The following SLC4A4 variants were observed in gnomAD, a reference collection of about 807,000 sequenced individuals.
The protein encoded by SLC4A4 is solute carrier family 4 member 4, also known as electrogenic sodium bicarbonate cotransporter 1.
SLC4A4 carries 27 observed loss-of-function variants against 111.5 expected under a neutral mutation model. The observed-to-expected ratio is 0.24, with a 90% CI of 0.18 to 0.33. The LOEUF is 0.33. SLC4A4 is among the 10% of genes least tolerant of loss of function. The pLI, the probability that SLC4A4 is intolerant of heterozygous loss-of-function variation, is 1.00. For missense variants in SLC4A4, 909 were observed against 1,315.5 expected, an observed-to-expected ratio of 0.69 and a Z score of 4.78; for synonymous variants, 443 against 463.4, an observed-to-expected ratio of 0.96 and a Z score of 0.57.
intron 2 of SLC4A4, among the ~76,000 whole-genome samples, chr4:71,111,629 C>T (rs530860504): frequency 1.9e-3 from 280 of 147,274 alleles, no homozygotes; most frequent in African/African-American, 6.4e-3. Flanking sequence ...TGATCCACCC[C>T]ACCCGCCTTG....
At chr4:71,359,308 C>T (rs1436664243) in intron 6 of SLC4A4, among the ~76,000 whole-genome samples, 4 of 152,192 alleles carry the variant, frequency 2.6e-5, no homozygotes, top group African/African-American at 9.6e-5. Flanking sequence ...GAAGGGTATG[C>T]AGTTCTTTTC....
chr4:71,336,753 T>G (rs187443554), intron 3 of SLC4A4, among the ~76,000 whole-genome samples: 1 of 152,212 alleles, frequency 6.6e-6, no homozygotes, highest in Non-Finnish European at 1.5e-5. Context: ...TACAATCACT[T>G]TCCTTGTTTA....
intron 1 of SLC4A4, among the ~76,000 whole-genome samples, chr4:71,079,498 T>C (rs769670034): frequency 6.6e-6 from 1 of 152,142 alleles, no homozygotes; most frequent in Non-Finnish European, 1.5e-5. Context: ...GCTGTGGGCC[T>C]GGTGCAGTAG....
At chr4:71,268,527 G>A (rs1009211013) in intron 3 of SLC4A4, among the ~76,000 whole-genome samples, 8 of 152,230 alleles carry the variant, frequency 5.3e-5, no homozygotes, top group Admixed American at 2.0e-4. Context: ...TAGGACAAGA[G>A]GAGACATTTC....
At chr4:71,390,806 T>A (rs1160693754) in intron 6 of SLC4A4, among the ~76,000 whole-genome samples, 2 of 152,162 alleles carry the variant, frequency 1.3e-5, no homozygotes, top group East Asian at 3.8e-4. Context: ...GCAGTGAGAT[T>A]GGCATTATGA....
Position 71,447,656 on chromosome 4 carries a change from A to G in SLC4A4, c.976A>G (p.Ile326Val), listed in dbSNP as rs762448439. ...EVPVPTRFLFILLGPKGKAKS... is the reference protein window; with the variant it reads ...EVPVPTRFLFVLLGPKGKAKS... ...TTCCTTTTCCATTAGGTTCTTGTTC[A>G]TTCTCTTAGGTCCTAAGGGGAAAGC... The change falls in exon 9 of 26, where the codon ATT (isoleucine) becomes GTT (valine). Residue 326 changes from isoleucine to valine, a missense_variant. Around this residue, in one of 7 missense-constraint regions of SLC4A4, gnomAD observed 312 missense variants for 402.0 expected, o/e 0.78. Transcript: ENST00000264485. 1 of 1,609,166 alleles carries G rather than the reference A, an allele frequency of 6.2e-7. No homozygotes were observed. Among genetic ancestry groups the G allele is most frequent in the Non-Finnish European group, 8.5e-7 (1 of 1,175,852 alleles).
chr4:71,282,426 C>A (rs1578747597), intron 3 of SLC4A4, among the ~76,000 whole-genome samples: 1 of 151,844 alleles, frequency 6.6e-6, no homozygotes, highest in Non-Finnish European at 1.5e-5. Flanking sequence ...GCTGGGATTA[C>A]AGGCATGCTC....
chr4:71,187,863 G>A (rs1282061283), intron 1 of SLC4A4, among the ~76,000 whole-genome samples: 1 of 152,182 alleles, frequency 6.6e-6, no homozygotes, highest in Non-Finnish European at 1.5e-5. Flanking sequence ...TGCTACCGAG[G>A]CCGCGGCCCC....
intron 16 of SLC4A4, among the ~76,000 whole-genome samples, chr4:71,504,814 C>T (rs1731255043): frequency 6.6e-6 from 1 of 151,846 alleles, no homozygotes; most frequent in Non-Finnish European, 1.5e-5. Flanking sequence ...CTGCACAGAT[C>T]ATTCCATCAC....
intron 1 of SLC4A4, among the ~76,000 whole-genome samples, chr4:71,085,099 A>C (rs2148936694): frequency 6.6e-6 from 1 of 152,166 alleles, no homozygotes; most frequent in South Asian, 2.1e-4. Context: ...TTGCCATTCT[A>C]ACTGGTGTGA....
intron 4 of SLC4A4, among the ~76,000 whole-genome samples, chr4:71,349,089 A>G (rs1729585730): frequency 6.6e-6 from 1 of 152,166 alleles, no homozygotes; most frequent in Non-Finnish European, 1.5e-5. Context: ...AAGTCTGTCA[A>G]ATGTGTTTTG....
intron 3 of SLC4A4, among the ~76,000 whole-genome samples, chr4:71,281,825 C>T (rs1445462672): frequency 1.3e-5 from 2 of 152,024 alleles, no homozygotes; most frequent in Non-Finnish European, 2.9e-5. Flanking sequence ...TATAGTGATA[C>T]GTTAGTATTG....
At chr4:71,300,531 A>G (rs986117680) in intron 3 of SLC4A4, 1 of 247,918 alleles carries the variant, frequency 4.0e-6, no homozygotes, top group Admixed American at 4.2e-5. Context: ...CACTAGCGGC[A>G]TGCAGATCTA....
At chr4:71,117,471 G>GA (rs1743299649) in intron 2 of SLC4A4, among the ~76,000 whole-genome samples, 1 of 151,902 alleles carries the variant, frequency 6.6e-6, no homozygotes, top group Admixed American at 6.6e-5. Context: ...AATTCTGAAA[G>GA]AAAAAAAGAA....
intron 1 of SLC4A4, among the ~76,000 whole-genome samples, chr4:71,066,711 C>G (rs920319344): frequency 6.6e-6 from 1 of 152,058 alleles, no homozygotes; most frequent in African/African-American, 2.4e-5. Context: ...ATTTCTTGGC[C>G]TCATATTACT....
At position 71,080,509 on chromosome 4, in the gene SLC4A4, T is replaced by C. The variant is rs190860286; in HGVS notation, c.-64-12221T>C. On this transcript the variant is annotated intron_variant, in intron 1 of 26. Transcript: ENST00000649996. ...CATGTAAAAGGATGAGTGTTTTCCC[T>C]TCCAAGTGGCCATAAATGTTGCTGG... Among the ~76,000 whole-genome samples, 171 of 152,246 alleles carry C rather than the reference T, an allele frequency of 1.1e-3. 2 individuals carry two copies. Among genetic ancestry groups the C allele is most frequent in the African/African-American group, 4.0e-3 (166 of 41,490 alleles).
At chr4:71,510,084 A>G (rs1731779964) in intron 16 of SLC4A4, among the ~76,000 whole-genome samples, 1 of 152,036 alleles carries the variant, frequency 6.6e-6, no homozygotes, top group Non-Finnish European at 1.5e-5. Context: ...AAACTCCCTA[A>G]TCTGAATTTT....
chr4:71,415,512 T>A (rs1050925872), intron 7 of SLC4A4, among the ~76,000 whole-genome samples: 2 of 152,244 alleles, frequency 1.3e-5, no homozygotes, highest in Non-Finnish European at 2.9e-5. Flanking sequence ...TAAATGTAGA[T>A]GATAACTTTG....
rs149033633 is a variant in SLC4A4, at chr4:71,361,486, C to G, written c.730+4299C>G. On this transcript the variant is annotated intron_variant, in intron 6 of 25. Coordinates refer to ENST00000264485, the MANE Select transcript of SLC4A4 (RefSeq NM_001098484.3). ...ACATGTGTAAATTCTATGGGCATGCCTGCCAGGTACTAAATTTTAGGCAAA... is the reference window on the plus strand; with the variant it reads ...ACATGTGTAAATTCTATGGGCATGCGTGCCAGGTACTAAATTTTAGGCAAA... Among the ~76,000 whole-genome samples, 108 of 152,298 alleles carry G rather than the reference C, an allele frequency of 7.1e-4. 1 individual carries two copies. The highest frequency in any genetic ancestry group is 1.3e-3 in the Non-Finnish European group (86 of 68,018).
Sources: allele counts gnomAD v4.1 joint callset (sites outside exome capture counted in the v4.1 genomes callset), GRCh38; gene constraint gnomAD v4.1.1; regional missense constraint gnomAD v4.1.1; transcripts MANE v1.5; gene names NCBI Gene and HGNC (gene_info 2026-07-23, HGNC 2026-07-21).